SCUBE2: variants seen among roughly 807,000 people sequenced by gnomAD.
The protein encoded by SCUBE2 is signal peptide, CUB and EGF-like domain-containing protein 2.
SCUBE2 carries 114 observed loss-of-function variants against 125.9 expected under a neutral mutation model. That is an observed-to-expected ratio of 0.91 (90% CI 0.78 to 1.06). SCUBE2 has a LOEUF of 1.06. SCUBE2 is among the 50% of genes least tolerant of loss of function. The pLI is 0.00. For synonymous variants in SCUBE2, 459 were observed against 492.9 expected (o/e 0.93, Z 0.91); for missense variants, 1,255 against 1,301.8 (o/e 0.96, Z 0.55).
Position 9,053,652 on chromosome 11 carries a change from T to A in SCUBE2, c.1315A>T (p.Lys439Ter). 6.2e-7 allele frequency: 1 copy of A among 1,614,118 alleles called. No homozygotes were observed. The highest frequency in any genetic ancestry group is 8.5e-7 in the Non-Finnish European group (1 of 1,179,990). ...CHPGYKLHWN[K>*]KDCVEVKGLL... ...TTCCCCTTACCCACACAGTCTTTTT[T>A]ATTCCAGTGGAGCTTGTACCCAGGG... The change falls in exon 11 of 23, where the codon AAA (lysine) becomes TAA (stop). Residue 439 changes from lysine to a stop codon, truncating the protein, a stop_gained. Coordinates refer to ENST00000649792, the MANE Select transcript of SCUBE2 (RefSeq NM_001367977.2). LOFTEE classifies it high-confidence loss of function.
intron 3 of SCUBE2, among the ~76,000 whole-genome samples, chr11:9,077,940 G>T (rs2135880759): frequency 6.6e-6 from 1 of 152,324 alleles, no homozygotes; most frequent in Admixed American, 6.5e-5. Flanking sequence ...CTAGCCCCTG[G>T]ATGGTTCTTG....
chr11:9,047,794 C>A (rs2099623570), intron 15 of SCUBE2, 149 bp downstream of exon 15: 1 of 1,043,386 alleles, frequency 9.6e-7, no homozygotes, highest in Non-Finnish European at 1.4e-6. Flanking sequence ...AGGTTCCAAA[C>A]CAATTCAGTT....
At chr11:9,070,333 A>C (rs1860666927) in intron 4 of SCUBE2, among the ~76,000 whole-genome samples, 1 of 152,226 alleles carries the variant, frequency 6.6e-6, no homozygotes, top group Admixed American at 6.5e-5. Context: ...GAGGGGGCAC[A>C]GCAAGGTAAC....
intron 7 of SCUBE2, among the ~76,000 whole-genome samples, chr11:9,061,434 C>G (rs1859674980): frequency 6.6e-6 from 1 of 152,066 alleles, no homozygotes; most frequent in African/African-American, 2.4e-5. Context: ...TGACGCACAC[C>G]TGTGGTCCCA....
intron 6 of SCUBE2, among the ~76,000 whole-genome samples, chr11:9,066,395 C>T (rs560693418): frequency 6.6e-6 from 1 of 152,308 alleles, no homozygotes; most frequent in African/African-American, 2.4e-5. Context: ...TCATTATAAA[C>T]AGCTCTAACT....
intron 9 of SCUBE2, chr11:9,057,103 A>C (rs1443945340): frequency 3.3e-5 from 5 of 152,238 alleles, no homozygotes; most frequent in African/African-American, 1.2e-4. Context: ...ATTTTATGAA[A>C]TCTGTTATTA....
chr11:9,028,115 G>A (rs1462978490), intron 19 of SCUBE2, among the ~76,000 whole-genome samples: 3 of 152,002 alleles, frequency 2.0e-5, no homozygotes, highest in Admixed American at 6.6e-5. Context: ...GCAGTGGTGC[G>A]ATCATGGCTC....
In SCUBE2 at chr11:9,048,045, A is replaced by C. The variant is rs1373303757; in HGVS notation, c.1693T>G (p.Ser565Ala). ...SFRYVNLTCSSGKQVPGAPGR... is the reference protein window; with the variant it reads ...SFRYVNLTCSAGKQVPGAPGR... ...GGGGCTCCTGGGACTTGCTTGCCAG[A>C]GCTGCATGTAAGGTTTACGTAGCGG... Residue 565 changes from serine to alanine, a missense_variant, in exon 15 of 23, where the codon TCT becomes GCT. Ser to Ala is a moderately conservative substitution (Grantham distance 99, BLOSUM62 1). Transcript: ENST00000649792. 5 of 1,614,190 alleles carry C rather than the reference A, an allele frequency of 3.1e-6. No homozygotes were observed. Among genetic ancestry groups the C allele is most frequent in the Middle Eastern group, 1.6e-4 (1 of 6,062 alleles).
At chr11:9,082,755 A>G (rs1861746283) in intron 2 of SCUBE2, among the ~76,000 whole-genome samples, 1 of 152,256 alleles carries the variant, frequency 6.6e-6, no homozygotes, top group Non-Finnish European at 1.5e-5. Flanking sequence ...CACTTACGTG[A>G]AATGTCCAGA....
intron 1 of SCUBE2, among the ~76,000 whole-genome samples, chr11:9,090,721 T>A (rs1310485554): frequency 6.6e-6 from 1 of 151,872 alleles, no homozygotes; most frequent in Non-Finnish European, 1.5e-5. Flanking sequence ...CCCCTGCCCA[T>A]CCTCTCAACC....
rs1185458673 is a variant in SCUBE2, at chr11:9,027,650, T to C, written c.2504-89A>G. The C allele has an allele frequency of 4.4e-6, 5 of 1,128,268 alleles. No individual in the cohort carries two copies. In the East Asian group the frequency reaches 7.5e-5, roughly 17 times the overall value. The allele number at this position is 1,128,268 out of a possible 1,614,324, so 69.9% of individuals were successfully genotyped here. A position where few individuals can be genotyped will look rare whatever the true frequency, so the allele number is the denominator to read the frequency against. ...CTTGCCGAGCCCCGCAGCACCCCTG[T>C]TGCCACCCAGGAATGGGGCATGAAA... is the stretch of plus-strand genomic sequence containing the variant. On this transcript the variant is annotated intron_variant, in intron 19 of 22. Transcript: ENST00000649792.
intron 2 of SCUBE2, 23 bp downstream of exon 2, chr11:9,089,684 C>A (rs201065026): frequency 4.1e-5 from 66 of 1,611,304 alleles, no homozygotes; most frequent in Middle Eastern, 1.6e-4. Flanking sequence ...ACAGTCCCCC[C>A]ACATGGTCCC....
Position 9,047,941 on chromosome 11 carries a change from A to G in SCUBE2, c.1795+2T>C. The G allele has an allele frequency of 6.2e-7, 1 of 1,606,872 alleles. No homozygotes were observed. The highest frequency in any genetic ancestry group is 8.5e-7 in the Non-Finnish European group (1 of 1,176,210). Reference sequence around the variant, plus strand: ...GGCAATGCAGACTGTTTTCAAACCAACCTGTCACCTCCTTTTGGTTAGTTT... The same window carrying G: ...GGCAATGCAGACTGTTTTCAAACCAGCCTGTCACCTCCTTTTGGTTAGTTT... On this transcript the variant is annotated splice_donor_variant, in intron 15 of 22. Coordinates refer to ENST00000649792, the MANE Select transcript of SCUBE2 (RefSeq NM_001367977.2). LOFTEE classifies it high-confidence loss of function.
At chr11:9,051,220 AT>A (rs1566200569) in intron 13 of SCUBE2, among the ~76,000 whole-genome samples, 2,269 of 144,610 alleles carry the variant, frequency 0.016, 21 homozygotes, top group Middle Eastern at 0.036. Context: ...CTATCTATCT[AT>A]CTATCTACCT....
chr11:9,048,365 C>G (rs1858015008), intron 14 of SCUBE2, among the ~76,000 whole-genome samples: 1 of 152,170 alleles, frequency 6.6e-6, no homozygotes, highest in Non-Finnish European at 1.5e-5. Flanking sequence ...ACTGACTAGC[C>G]ACATATGTGG....
In SCUBE2 at chr11:9,029,899, T is replaced by G; in HGVS notation, c.2488A>C (p.Ile830Leu). 1 of 1,614,192 alleles carries G rather than the reference T, an allele frequency of 6.2e-7. No homozygotes were observed. The highest frequency in any genetic ancestry group is 8.5e-7 in the Non-Finnish European group (1 of 1,180,030). Residue 830 changes from isoleucine to leucine, a missense_variant, in exon 19 of 23, where the codon ATA becomes CTA. Physicochemically the swap from Ile to Leu is conservative, Grantham distance 5. This residue lies in a region of SCUBE2 where 515 missense variants were observed against 515.7 expected (regional missense o/e 1.00). Transcript: ENST00000649792. ...AGGGACCTACTTTTACACTGGGTTA[T>G]GTTTGTGGAGCCATCAAAGTCAGTC... The part of the protein sequence containing the change: ...TTTDFDGSTN[I>L]TQCKNRRCGG...
chr11:9,059,344 T>G lies in SCUBE2; in HGVS notation c.1049A>C (p.Lys350Thr). 1 of 1,614,228 alleles carries G rather than the reference T, an allele frequency of 6.2e-7. No individual in the cohort carries two copies. Among genetic ancestry groups the G allele is most frequent in the South Asian group, 1.1e-5 (1 of 91,080 alleles). Residue 350 changes from lysine to threonine, a missense_variant, in exon 9 of 23, where the codon AAG becomes ACG. This residue lies in a region of SCUBE2 where 378 missense variants were observed against 463.1 expected (regional missense o/e 0.82). Transcript: ENST00000649792. ...NIVGSFDCGC[K>T]KGFKLLTDEK... ...ATCTGTTAATAATTTAAATCCTTTC[T>G]TGCAGCCGCAGTCAAAACTGCCCAC...
intron 16 of SCUBE2, among the ~76,000 whole-genome samples, chr11:9,040,007 G>A (rs528243303): frequency 6.6e-6 from 1 of 152,316 alleles, no homozygotes; most frequent in South Asian, 2.1e-4. Flanking sequence ...CGCACCACAG[G>A]AGTGTCCGTG....
rs765030962 is a variant in SCUBE2, at chr11:9,060,357, G to C, written c.967+51C>G. On this transcript the variant is annotated intron_variant, in intron 8 of 22. Transcript: ENST00000649792. ...TTATCCCCATATGTTAGCGGCATGGGCCCTCCCTCCATAACAGGGCACCCA... is the reference window on the plus strand; with the variant it reads ...TTATCCCCATATGTTAGCGGCATGGCCCCTCCCTCCATAACAGGGCACCCA... The C allele has an allele frequency of 6.5e-6, 9 of 1,391,516 alleles. No homozygotes were observed. The South Asian group carries it at 1.0e-4, about 16-fold the overall frequency. The allele number at this position is 1,391,516 out of a possible 1,614,324, so 86.2% of individuals were successfully genotyped here.
Sources: allele counts gnomAD v4.1 joint callset (sites outside exome capture counted in the v4.1 genomes callset), GRCh38; gene constraint gnomAD v4.1.1; regional missense constraint gnomAD v4.1.1; transcripts MANE v1.5; gene names NCBI Gene and HGNC (gene_info 2026-07-23, HGNC 2026-07-21).